ACBD6: variants seen among roughly 807,000 people sequenced by gnomAD.
ACBD6 encodes the protein acyl-CoA-binding domain-containing protein 6.
ACBD6 carries 28 observed loss-of-function variants against 37.2 expected under a neutral mutation model. That is an observed-to-expected ratio of 0.75 (90% CI 0.56 to 1.03). The LOEUF (loss-of-function observed/expected upper bound fraction) is 1.03. Among genes scored for constraint, ACBD6 ranks in the 50% least tolerant of loss-of-function variants. The pLI is 0.00. For missense variants in ACBD6, 340 were observed against 337.4 expected (o/e 1.01, Z -0.06); for synonymous variants, 113 against 126.8 (o/e 0.89, Z 0.73).
At chr1:180,397,809 T>C (rs911051234) in intron 5 of ACBD6, among the ~76,000 whole-genome samples, 10 of 152,072 alleles carry the variant, frequency 6.6e-5, no homozygotes, top group Non-Finnish European at 1.3e-4. Flanking sequence ...TCCCAGCACT[T>C]TGAAAGGCCG....
intron 2 of ACBD6, among the ~76,000 whole-genome samples, chr1:180,494,890 TC>T (rs1651669106): frequency 6.6e-6 from 1 of 152,216 alleles, no homozygotes; most frequent in South Asian, 2.1e-4. Flanking sequence ...AAAAGTATAC[TC>T]TTTTTTTTAT....
At chr1:180,405,900 T>G (rs1021065470) in intron 5 of ACBD6, among the ~76,000 whole-genome samples, 2 of 152,140 alleles carry the variant, frequency 1.3e-5, no homozygotes, top group Non-Finnish European at 2.9e-5. Context: ...TGAACCGCCA[T>G]TTAAAAAAAT....
intron 4 of ACBD6, among the ~76,000 whole-genome samples, chr1:180,414,701 A>G (rs1400495151): frequency 6.6e-6 from 1 of 152,242 alleles, no homozygotes; most frequent in Non-Finnish European, 1.5e-5. Flanking sequence ...CTTAAAAAGG[A>G]CTATAACAGA....
intron 2 of ACBD6, among the ~76,000 whole-genome samples, chr1:180,494,637 G>A (rs564815254): frequency 6.6e-6 from 1 of 152,306 alleles, no homozygotes; most frequent in African/African-American, 2.4e-5. Context: ...GACTGCTCTA[G>A]AATGTAAAGT....
intron 6 of ACBD6, among the ~76,000 whole-genome samples, chr1:180,346,211 T>C (rs1379671714): frequency 6.6e-6 from 1 of 152,162 alleles, no homozygotes; most frequent in Admixed American, 6.5e-5. Context: ...CATCGTGGAG[T>C]AATCTTAGGA....
chr1:180,314,691 C>T lies in ACBD6; in HGVS notation c.694+1G>A, dbSNP rs1191269456. ...TACTTAATAATTTAGAAACTTCTTA[C>T]CATAATGTAGAGCTGTTTGGCCTTC... On this transcript the variant is annotated splice_donor_variant, in intron 7 of 7. Coordinates refer to ENST00000367595, the MANE Select transcript of ACBD6 (RefSeq NM_032360.4). LOFTEE classifies it high-confidence loss of function. The T allele has an allele frequency of 1.3e-6, 2 of 1,527,792 alleles. No homozygotes were observed. The highest frequency in any genetic ancestry group is 1.4e-5 in the African/African-American group (1 of 73,112). The allele number at this position is 1,527,792 out of a possible 1,614,324, so 94.6% of individuals were successfully genotyped here.
At chr1:180,315,471 T>G (rs1468325833) in intron 6 of ACBD6, among the ~76,000 whole-genome samples, 1 of 152,240 alleles carries the variant, frequency 6.6e-6, no homozygotes, top group Non-Finnish European at 1.5e-5. Context: ...AGTAATTAAC[T>G]TCATAAGCAC....
At chr1:180,451,107 T>C (rs1360959794) in intron 3 of ACBD6, among the ~76,000 whole-genome samples, 1 of 152,170 alleles carries the variant, frequency 6.6e-6, no homozygotes, top group Non-Finnish European at 1.5e-5. Flanking sequence ...AAGGGAAATG[T>C]AACTTAAAAA....
chr1:180,482,402 A>G (rs1204722714), intron 3 of ACBD6, among the ~76,000 whole-genome samples: 2 of 152,264 alleles, frequency 1.3e-5, no homozygotes, highest in Middle Eastern at 3.4e-3. Flanking sequence ...CAACACACAA[A>G]TAACAATGGA....
chr1:180,395,400 A>G (rs1654221385), intron 6 of ACBD6, among the ~76,000 whole-genome samples: 1 of 152,234 alleles, frequency 6.6e-6, no homozygotes, highest in Non-Finnish European at 1.5e-5. Context: ...GATAAAGACC[A>G]GAAGATTTGG....
chr1:180,409,212 A>AT (rs899519595), intron 5 of ACBD6, among the ~76,000 whole-genome samples: 8 of 152,110 alleles, frequency 5.3e-5, no homozygotes. Context: ...GTAAGAGAGA[A>AT]TTTTTTTGTT....
At chr1:180,366,497 A>T (rs114466641) in intron 6 of ACBD6, among the ~76,000 whole-genome samples, 437 of 152,328 alleles carry the variant, frequency 2.9e-3, no homozygotes, top group African/African-American at 0.01. Flanking sequence ...GGAGCAATTT[A>T]CTATAGCAGG....
chr1:180,397,776 G>A (rs1411848676), intron 5 of ACBD6, among the ~76,000 whole-genome samples, 171 bp from the exon 6 acceptor site: 2 of 152,114 alleles, frequency 1.3e-5, no homozygotes, highest in African/African-American at 4.8e-5. Context: ...AATGGGGCAG[G>A]GCATGGTGGC....
At chr1:180,447,901 CA>C (rs763612989) in intron 3 of ACBD6, among the ~76,000 whole-genome samples, 331 of 140,578 alleles carry the variant, frequency 2.4e-3, no homozygotes, top group South Asian at 0.019. Context: ...CTCATGTGTA[CA>C]AAAAAAAAAA....
At chr1:180,397,637 T>C in intron 5 of ACBD6, 32 bp from the exon 6 acceptor site, 1 of 1,543,806 alleles carries the variant, frequency 6.5e-7, no homozygotes, top group Non-Finnish European at 9.0e-7. Context: ...GAATTTGTTA[T>C]CTCAGTTGTG....
At position 180,404,465 on chromosome 1, in the gene ACBD6, T is replaced by C. The variant is rs572145383; in HGVS notation, c.574-6860A>G. 5.3e-5 allele frequency among the ~76,000 whole-genome samples: 8 copies of C among 151,936 alleles called. No homozygotes were observed. In the East Asian group the frequency reaches 1.6e-3, roughly 30 times the overall value. Reference sequence around the variant, plus strand: ...TGTGAAAAAAATATATATATACATATGTGTATTTTTGAGACAGAGTCTCAC... The same window carrying C: ...TGTGAAAAAAATATATATATACATACGTGTATTTTTGAGACAGAGTCTCAC... On this transcript the variant is annotated intron_variant, in intron 5 of 7. Transcript: ENST00000367595.
chr1:180,308,141 A>G (rs1487224768), intron 7 of ACBD6, among the ~76,000 whole-genome samples: 2 of 151,846 alleles, frequency 1.3e-5, no homozygotes, highest in African/African-American at 4.8e-5. Flanking sequence ...AAATTTCTGT[A>G]TTTTTTTAAT....
At chr1:180,356,076 T>C (rs778136886) in intron 6 of ACBD6, among the ~76,000 whole-genome samples, 14 of 152,040 alleles carry the variant, frequency 9.2e-5, no homozygotes, top group Non-Finnish European at 2.1e-4. Flanking sequence ...TTTCACCATA[T>C]TGGTCAGGCT....
chr1:180,333,974 G>A (rs548035613), intron 6 of ACBD6, among the ~76,000 whole-genome samples: 100 of 152,326 alleles, frequency 6.6e-4, no homozygotes, highest in African/African-American at 2.3e-3. Flanking sequence ...GGGGAGGGGC[G>A]CCTGCCATTG....
Sources: gnomAD v4.1 joint callset for allele counts (sites outside exome capture counted in the v4.1 genomes callset) on GRCh38, gnomAD v4.1.1 for gene constraint, MANE v1.5 for transcripts, NCBI Gene and HGNC (gene_info 2026-07-23, HGNC 2026-07-21) for gene names.